PCDH15: variants seen among roughly 807,000 people sequenced by gnomAD.
The protein encoded by PCDH15 is protocadherin related 15.
In PCDH15, 129 loss-of-function variants were observed where a neutral mutation model predicts 178.5. The observed-to-expected ratio is 0.72, with a 90% CI of 0.63 to 0.84. PCDH15 has a LOEUF of 0.84. PCDH15 is among the 40% of genes least tolerant of loss of function. PCDH15 has a pLI of 0.00. For missense variants in PCDH15, 2,230 were observed against 2,099.9 expected (o/e 1.06, Z -1.21); for synonymous variants, 800 against 732.0 (o/e 1.09, Z -1.50).
chr10:54,595,552 T>A (rs2092183748), intron 2 of PCDH15, among the ~76,000 whole-genome samples: 2 of 152,154 alleles, frequency 1.3e-5, no homozygotes, highest in African/African-American at 4.8e-5. Context: ...CCTTCTTTCC[T>A]CCAAATGAGC....
chr10:54,488,091 T>A (rs2079258347), intron 3 of PCDH15, among the ~76,000 whole-genome samples: 1 of 151,838 alleles, frequency 6.6e-6, no homozygotes, highest in Non-Finnish European at 1.5e-5. Context: ...ATATAATGTG[T>A]ATTTTTCTCA....
intron 1 of PCDH15, among the ~76,000 whole-genome samples, chr10:54,708,220 G>C (rs560863988): frequency 6.6e-6 from 1 of 152,296 alleles, no homozygotes; most frequent in African/African-American, 2.4e-5. Flanking sequence ...CCAGAGACTT[G>C]CTAAATAGAA....
intron 13 of PCDH15, among the ~76,000 whole-genome samples, chr10:54,155,560 A>G (rs997404000): frequency 1.3e-5 from 2 of 152,184 alleles, no homozygotes; most frequent in Non-Finnish European, 2.9e-5. Context: ...ATGCTAACAA[A>G]GATATTTTAA....
At chr10:54,399,206 T>G (rs970581736) in intron 3 of PCDH15, among the ~76,000 whole-genome samples, 13 of 151,934 alleles carry the variant, frequency 8.6e-5, no homozygotes, top group Non-Finnish European at 1.5e-5. Context: ...CTACTCTCAG[T>G]GAAGAGAGTT....
chr10:54,359,271 A>AAAAAC (rs1945593199), intron 5 of PCDH15, among the ~76,000 whole-genome samples: 1 of 150,812 alleles, frequency 6.6e-6, no homozygotes, highest in African/African-American at 2.5e-5. Flanking sequence ...AAAAACTAAA[A>AAAAAC]AAAAACAAAA....
rs546229437 is a variant in PCDH15 at position 55,214,853 on chromosome 10, C to T, written c.-155-48202G>A. ...ATTGTTTGCACATTTCAATAGCAAA[C>T]CACTGTAATAAAGACTCTCTGGCCT... On this transcript the variant is annotated intron_variant, in intron 1 of 5. Coordinates refer to the PCDH15 transcript ENST00000458638. Among the ~76,000 whole-genome samples, 52 of 152,064 alleles carry T rather than the reference C, an allele frequency of 3.4e-4. No individual in the cohort carries two copies. In the South Asian group the frequency reaches 0.01, roughly 30 times the overall value.
chr10:54,932,524 T>C (rs1837804974), intron 2 of PCDH15, among the ~76,000 whole-genome samples: 1 of 152,190 alleles, frequency 6.6e-6, no homozygotes, highest in South Asian at 2.1e-4. Context: ...AAAGGCAATT[T>C]TATAAGTTTA....
chr10:54,629,235 G>C (rs1471732223), intron 2 of PCDH15, among the ~76,000 whole-genome samples: 1 of 151,968 alleles, frequency 6.6e-6, no homozygotes, highest in Admixed American at 6.6e-5. Context: ...AAAAAAGTTA[G>C]CTAATATTTG....
At chr10:55,625,836 T>C (rs1473343051) in intron 2 of PCDH15, among the ~76,000 whole-genome samples, 1 of 152,140 alleles carries the variant, frequency 6.6e-6, no homozygotes, top group East Asian at 1.9e-4. Flanking sequence ...TTCTACACTG[T>C]CCTAATTCTC....
chr10:54,120,733 AAAG>A (rs1206025323), intron 15 of PCDH15, among the ~76,000 whole-genome samples: 2 of 152,210 alleles, frequency 1.3e-5, no homozygotes, highest in African/African-American at 4.8e-5. Context: ...TTCAATTCAA[AAAG>A]AAGATTTAAC....
chr10:54,316,132 CTA>C (rs2061252731), intron 8 of PCDH15, among the ~76,000 whole-genome samples: 2 of 152,046 alleles, frequency 1.3e-5, no homozygotes, highest in Admixed American at 1.3e-4. Context: ...ATGCACATAA[CTA>C]TTTATTTTTC....
chr10:55,311,537 A>G (rs772406330), intron 1 of PCDH15, among the ~76,000 whole-genome samples: 3 of 152,238 alleles, frequency 2.0e-5, no homozygotes, highest in Admixed American at 2.0e-4. Context: ...CATTAGCCAT[A>G]GTTTATCTAG....
intron 2 of PCDH15, among the ~76,000 whole-genome samples, chr10:55,565,899 G>C (rs563838319): frequency 2.0e-5 from 3 of 151,662 alleles, no homozygotes; most frequent in African/African-American, 7.2e-5. Context: ...CAGTGAATTC[G>C]ATAAAACATT....
At position 53,959,778 on chromosome 10, in the gene PCDH15, C is replaced by T; in HGVS notation, c.3076G>A (p.Val1026Ile). The T allele has an allele frequency of 1.2e-6, 2 of 1,614,020 alleles. No homozygotes were observed. Among genetic ancestry groups the T allele is most frequent in the African/African-American group, 1.3e-5 (1 of 75,016 alleles). ...CGTGGGATCTCACCAGGATGTAAGA[C>T]AAGAATCTTCACTGTGGCACTGCTG... Reference protein sequence around the residue: ...MSSSATVKILVLHPGEIPRFT... With the variant: ...MSSSATVKILILHPGEIPRFT... The change falls in exon 23 of 38, where the codon GTC becomes ATC. Residue 1026 changes from valine (V) to isoleucine (I), a missense_variant. Coordinates refer to ENST00000644397, the MANE Select transcript of PCDH15 (RefSeq NM_001384140.1).
intron 26 of PCDH15, among the ~76,000 whole-genome samples, chr10:53,902,944 A>C (rs192006402): frequency 2.6e-5 from 4 of 152,240 alleles, no homozygotes; most frequent in East Asian, 1.9e-4. Flanking sequence ...CTTTTGAGTT[A>C]TCCTACTGGA....
intron 37 of PCDH15, chr10:53,808,653 C>A (rs1481016311): frequency 6.3e-7 from 1 of 1,590,740 alleles, no homozygotes; most frequent in Admixed American, 1.7e-5. Context: ...CACACGAGAG[C>A]ACTCATCACA....
At chr10:54,931,601 T>C (rs576439584) in intron 2 of PCDH15, among the ~76,000 whole-genome samples, 1 of 152,308 alleles carries the variant, frequency 6.6e-6, no homozygotes, top group South Asian at 2.1e-4. Flanking sequence ...GTGGGTGGTA[T>C]TCACTGTTAT....
At chr10:55,045,256 C>G (rs148838726) in intron 2 of PCDH15, among the ~76,000 whole-genome samples, 1 of 151,982 alleles carries the variant, frequency 6.6e-6, no homozygotes, top group Non-Finnish European at 1.5e-5. Flanking sequence ...TCTTATAGAA[C>G]GTAGATGACT....
intron 1 of PCDH15, among the ~76,000 whole-genome samples, chr10:54,720,764 A>C (rs1400365434): frequency 1.3e-5 from 2 of 152,046 alleles, no homozygotes; most frequent in African/African-American, 4.8e-5. Flanking sequence ...TGGTCCTATG[A>C]ATAGAGATAG....
Sources: gnomAD v4.1 joint callset for allele counts (sites outside exome capture counted in the v4.1 genomes callset) on GRCh38, gnomAD v4.1.1 for gene constraint, MANE v1.5 for transcripts, NCBI Gene and HGNC (gene_info 2026-07-23, HGNC 2026-07-21) for gene names.